The following DAB1 variants were observed in gnomAD, a reference collection of about 807,000 sequenced individuals.
DAB1 encodes DAB adaptor protein 1.
Under a neutral mutation model 64.6 loss-of-function variants are expected in DAB1, and 15 were observed. The observed-to-expected ratio is 0.23, with a 90% CI of 0.16 to 0.36. The LOEUF (loss-of-function observed/expected upper bound fraction) is 0.36. DAB1 is among the 10% of genes least tolerant of loss of function. The pLI is 1.00. For synonymous variants in DAB1, 235 were observed against 251.9 expected, an observed-to-expected ratio of 0.93 and a Z score of 0.64; for missense variants, 596 against 706.7, an observed-to-expected ratio of 0.84 and a Z score of 1.78.
intron 2 of DAB1, among the ~76,000 whole-genome samples, chr1:57,228,285 A>T (rs1267115999): frequency 6.6e-6 from 1 of 152,154 alleles, no homozygotes; most frequent in African/African-American, 2.4e-5. Context: ...TAGAATTTTG[A>T]CCTGGATTGC....
intron 7 of DAB1, among the ~76,000 whole-genome samples, chr1:57,495,232 T>C (rs1165109972): frequency 1.3e-5 from 2 of 152,198 alleles, no homozygotes; most frequent in East Asian, 3.8e-4. Flanking sequence ...GCATCAGGTA[T>C]AATATAAGGT....
At chr1:58,472,428 T>A (rs1369167915) in intron 3 of DAB1, among the ~76,000 whole-genome samples, 1 of 152,264 alleles carries the variant, frequency 6.6e-6, no homozygotes, top group Non-Finnish European at 1.5e-5. Context: ...ATTTTTGTCA[T>A]TAGCACTTTT....
At chr1:57,252,621 A>G (rs1669437795) in intron 2 of DAB1, among the ~76,000 whole-genome samples, 1 of 152,242 alleles carries the variant, frequency 6.6e-6, no homozygotes, top group Admixed American at 6.5e-5. Flanking sequence ...ACAGAGAAAT[A>G]GACCAACAAT....
intron 5 of DAB1, among the ~76,000 whole-genome samples, chr1:57,993,584 A>G (rs537094570): frequency 6.2e-4 from 94 of 152,320 alleles, no homozygotes; most frequent in African/African-American, 2.2e-3. Context: ...TACCCGCTGC[A>G]TTTGGCTGAT....
At chr1:58,056,015 G>A in intron 5 of DAB1, 1 of 736,566 alleles carries the variant, frequency 1.4e-6, no homozygotes, top group Non-Finnish European at 2.3e-6. Flanking sequence ...TAAAATTCCA[G>A]GTGTGAGCCA....
chr1:58,527,331 A>T, exon 2 of DAB1: 1 of 871,886 alleles, frequency 1.1e-6, no homozygotes, highest in Non-Finnish European at 2.0e-6. Context: ...TCTATTAAAC[A>T]TATACTAAGA....
chr1:58,353,250 C>T (rs1644076621), intron 3 of DAB1, among the ~76,000 whole-genome samples: 1 of 152,146 alleles, frequency 6.6e-6, no homozygotes, highest in African/African-American at 2.4e-5. Context: ...TCAAAATACA[C>T]TAAAACAGCC....
intron 6 of DAB1, among the ~76,000 whole-genome samples, chr1:57,663,692 A>T (rs1167899098): frequency 6.6e-6 from 1 of 152,114 alleles, no homozygotes; most frequent in Admixed American, 6.6e-5. Flanking sequence ...ATATTAAGAT[A>T]TATCTCAGGC....
chr1:57,737,281 C>T (rs1419985639), intron 6 of DAB1, among the ~76,000 whole-genome samples: 1 of 152,164 alleles, frequency 6.6e-6, no homozygotes, highest in Non-Finnish European at 1.5e-5. Flanking sequence ...GGCATAGAAC[C>T]ATGTGGTCAG....
intron 4 of DAB1, among the ~76,000 whole-genome samples, chr1:58,215,114 C>T (rs1658774580): frequency 6.6e-6 from 1 of 152,162 alleles, no homozygotes; most frequent in South Asian, 2.1e-4. Context: ...GTAAGGTTGA[C>T]TTCTTTGACC....
At chr1:57,320,445 G>C (rs941743637) in intron 1 of DAB1, among the ~76,000 whole-genome samples, 1 of 152,118 alleles carries the variant, frequency 6.6e-6, no homozygotes, top group Non-Finnish European at 1.5e-5. Context: ...AATTTTGTAA[G>C]GTCATAGAGC....
At chr1:58,327,765 C>T (rs949407031) in intron 4 of DAB1, among the ~76,000 whole-genome samples, 10 of 152,094 alleles carry the variant, frequency 6.6e-5, no homozygotes, top group Non-Finnish European at 1.0e-4. Context: ...TCGAGACCAG[C>T]CTGGCCAACA....
rs539968658 is a variant in DAB1, at chr1:58,169,407, T to C, written n.310-18819A>G. Among the ~76,000 whole-genome samples, 4 of 152,170 alleles carry C rather than the reference T, an allele frequency of 2.6e-5. No individual in the cohort carries two copies. The East Asian group carries it at 7.8e-4, about 30-fold the overall frequency. On this transcript the variant is annotated intron_variant and non_coding_transcript_variant, in intron 4 of 20. Transcript: ENST00000485760. Reference sequence around the variant, plus strand: ...ACCACGTGTGGTTTTGTCTTTCAAATGGGAAACATTCAGGCATCAACAGGC... The same window carrying C: ...ACCACGTGTGGTTTTGTCTTTCAAACGGGAAACATTCAGGCATCAACAGGC...
rs1029336747 is a variant in DAB1, at chr1:58,274,944, A to T, written n.309+68408T>A. On this transcript the variant is annotated intron_variant and non_coding_transcript_variant, in intron 4 of 20. Coordinates refer to the DAB1 transcript ENST00000485760. ...GAGAGAAACCCGGTACCTCAGATGGAAATGCAGAAATCACCGGTCTTCTGC... is the reference window on the plus strand; with the variant it reads ...GAGAGAAACCCGGTACCTCAGATGGTAATGCAGAAATCACCGGTCTTCTGC... 5.0e-5 allele frequency among the ~76,000 whole-genome samples: 7 copies of T among 140,212 alleles called. No homozygotes were observed. The East Asian group carries it at 9.9e-4, about 20-fold the overall frequency. The allele number at this position is 140,212 out of a possible 152,430, so 92.0% of individuals were successfully genotyped here.
chr1:58,074,513 A>AATATATATACATATATATATATAT (rs1649470233), intron 5 of DAB1: 1 of 116,232 alleles, frequency 8.6e-6, no homozygotes, highest in Admixed American at 8.8e-5. Context: ...GGAAGATTCT[A>AATATATATACATATATATATATAT]ATATATATAC....
At chr1:58,005,216 A>G (rs1056754206) in intron 5 of DAB1, among the ~76,000 whole-genome samples, 5 of 152,134 alleles carry the variant, frequency 3.3e-5, no homozygotes, top group African/African-American at 7.2e-5. Flanking sequence ...CATCCCTCCA[A>G]TAAAATCTCT....
intron 5 of DAB1, among the ~76,000 whole-genome samples, chr1:57,919,079 A>G (rs750237904): frequency 6.6e-6 from 1 of 152,214 alleles, no homozygotes; most frequent in Non-Finnish European, 1.5e-5. Context: ...AGAGACCTCA[A>G]TTTGAATCCT....
intron 6 of DAB1, among the ~76,000 whole-genome samples, chr1:57,810,962 C>T (rs1569753130): frequency 1.3e-5 from 2 of 152,304 alleles, no homozygotes; most frequent in East Asian, 1.9e-4. Context: ...CTGGCTTTTG[C>T]CTCTTCCGGC....
chr1:57,927,226 T>A (rs772521502), intron 5 of DAB1, among the ~76,000 whole-genome samples: 8 of 152,206 alleles, frequency 5.3e-5, no homozygotes, highest in Non-Finnish European at 1.0e-4. Context: ...AGAAGGCACC[T>A]ATCTGCAACT....
Sources: allele counts gnomAD v4.1 joint callset (sites outside exome capture counted in the v4.1 genomes callset), GRCh38; gene constraint gnomAD v4.1.1; transcripts MANE v1.5; gene names NCBI Gene and HGNC (gene_info 2026-07-23, HGNC 2026-07-21).